TSPAN12: variants seen among roughly 807,000 people sequenced by gnomAD.
The protein encoded by TSPAN12 is tetraspanin 12.
Under a neutral mutation model 39.2 loss-of-function variants are expected in TSPAN12, and 19 were observed. The observed-to-expected ratio is 0.49, with a 90% confidence interval of 0.34 to 0.71. TSPAN12 has a LOEUF of 0.71. Among genes scored for constraint, TSPAN12 ranks in the 30% least tolerant of loss-of-function variants. The probability of loss-of-function intolerance (pLI) is 0.01; values close to 1 mark genes in which losing one functional copy is unlikely to be tolerated. For missense variants in TSPAN12, 314 were observed against 359.9 expected, an observed-to-expected ratio of 0.87 and a Z score of 1.03; for synonymous variants, 119 against 124.8, an observed-to-expected ratio of 0.95 and a Z score of 0.31.
At chr7:120,834,979 C>T (rs1418976548) in intron 4 of TSPAN12, among the ~76,000 whole-genome samples, 1 of 152,202 alleles carries the variant, frequency 6.6e-6, no homozygotes, top group Admixed American at 6.5e-5. Context: ...TAAAATCTCA[C>T]TCTCATCACT....
rs1794758534 is a variant in TSPAN12 at position 120,850,895 on chromosome 7, G to C, written c.66+5803C>G. 2.6e-5 allele frequency among the ~76,000 whole-genome samples: 4 copies of C among 151,960 alleles called. No homozygotes were observed. The South Asian group carries it at 8.3e-4, about 32-fold the overall frequency. On this transcript the variant is annotated intron_variant, in intron 2 of 7. Transcript: ENST00000222747. ...AGTAGAGACAGGGTTTCGCCATTTT[G>C]GTCAGCCTGGTCTCGAACTCCTGAC...
chr7:120,842,936 T>C (rs914905997), intron 2 of TSPAN12, among the ~76,000 whole-genome samples: 3 of 151,946 alleles, frequency 2.0e-5, no homozygotes, highest in South Asian at 2.1e-4. Context: ...TAAAAACCCT[T>C]TCTGAAATAA....
At chr7:120,853,242 C>T (rs142158505) in intron 2 of TSPAN12, among the ~76,000 whole-genome samples, 170 of 151,790 alleles carry the variant, frequency 1.1e-3, no homozygotes, top group Middle Eastern at 0.01. Flanking sequence ...TACAGGTGCA[C>T]GCCACGACAC....
intron 7 of TSPAN12, among the ~76,000 whole-genome samples, chr7:120,800,619 T>C (rs1039482123): frequency 1.3e-5 from 2 of 152,084 alleles, no homozygotes; most frequent in African/African-American, 4.8e-5. Flanking sequence ...TCCTTGACTA[T>C]AAATTCCCAC....
chr7:120,792,284 C>T (rs1793542624), intron 7 of TSPAN12, among the ~76,000 whole-genome samples: 1 of 152,136 alleles, frequency 6.6e-6, no homozygotes, highest in African/African-American at 2.4e-5. Flanking sequence ...CCTGGAAGAC[C>T]CCACTCAGGA....
chr7:120,799,283 T>C (rs1271224080), intron 7 of TSPAN12, among the ~76,000 whole-genome samples: 1 of 151,274 alleles, frequency 6.6e-6, no homozygotes, highest in African/African-American at 2.4e-5. Flanking sequence ...TAGGTGGAGC[T>C]TGCCAGAAGG....
In TSPAN12 at chr7:120,788,091, T is replaced by C. The variant is rs1316099427; in HGVS notation, c.*501A>G. 1.8e-5 allele frequency: 3 copies of C among 167,986 alleles called. No homozygotes were observed. Among genetic ancestry groups the C allele is most frequent in the African/African-American group, 7.2e-5 (3 of 41,538 alleles). The allele number at this position is 167,986 out of a possible 1,614,324, so 10.4% of individuals were successfully genotyped here. On this transcript the variant is annotated 3_prime_UTR_variant, in exon 8 of 8. Coordinates refer to ENST00000222747, the MANE Select transcript of TSPAN12 (RefSeq NM_012338.4). ...GTAACCAGCAAAAATCACATTTAGG[T>C]AGTCACCAATATTGAAAGTTTTCTG...
chr7:120,811,187 G>C (rs951966740), intron 5 of TSPAN12, among the ~76,000 whole-genome samples: 3 of 152,186 alleles, frequency 2.0e-5, no homozygotes, highest in African/African-American at 7.2e-5. Flanking sequence ...ACAGTGTGGA[G>C]ATTCCTTAAA....
At chr7:120,813,499 A>C (rs559801609) in intron 5 of TSPAN12, among the ~76,000 whole-genome samples, 3 of 152,238 alleles carry the variant, frequency 2.0e-5, no homozygotes, top group Non-Finnish European at 4.4e-5. Flanking sequence ...AATTACTTTA[A>C]AATCAAAACA....
intron 4 of TSPAN12, among the ~76,000 whole-genome samples, chr7:120,837,133 G>C (rs1432115577): frequency 6.6e-6 from 1 of 152,092 alleles, no homozygotes. Context: ...TCAAATTATA[G>C]AAGGTTCATG....
intron 2 of TSPAN12, among the ~76,000 whole-genome samples, chr7:120,849,880 T>C (rs1794738836): frequency 6.6e-6 from 1 of 152,216 alleles, no homozygotes; most frequent in Non-Finnish European, 1.5e-5. Flanking sequence ...GCCACCATAC[T>C]TAGCCTTTAA....
At chr7:120,842,817 T>A (rs1367769679) in intron 2 of TSPAN12, among the ~76,000 whole-genome samples, 1 of 151,968 alleles carries the variant, frequency 6.6e-6, no homozygotes, top group Non-Finnish European at 1.5e-5. Flanking sequence ...ATACATTTTG[T>A]TTTGTGGATT....
intron 6 of TSPAN12, 148 bp from the exon 7 acceptor site, chr7:120,806,840 A>T: frequency 9.8e-7 from 1 of 1,018,646 alleles, no homozygotes. Context: ...TGTTGATGAT[A>T]GAAATGTAGT....
intron 2 of TSPAN12, among the ~76,000 whole-genome samples, chr7:120,843,496 C>G (rs1412437326): frequency 2.6e-5 from 4 of 152,188 alleles, no homozygotes; most frequent in Admixed American, 6.5e-5. Flanking sequence ...CACACCTGCC[C>G]TAATCACCCC....
chr7:120,844,277 C>A (rs1794631977), intron 2 of TSPAN12, among the ~76,000 whole-genome samples: 1 of 152,076 alleles, frequency 6.6e-6, no homozygotes, highest in Non-Finnish European at 1.5e-5. Context: ...TAATCCAAAC[C>A]ATATCATTCA....
At chr7:120,818,900 G>T (rs370683724) in intron 4 of TSPAN12, among the ~76,000 whole-genome samples, 1 of 152,072 alleles carries the variant, frequency 6.6e-6, no homozygotes, top group Non-Finnish European at 1.5e-5. Flanking sequence ...AGTACTTCAA[G>T]CCAATTTTTA....
chr7:120,828,655 CTT>C (rs752697203), intron 4 of TSPAN12, among the ~76,000 whole-genome samples: 138 of 125,458 alleles, frequency 1.1e-3, no homozygotes, highest in African/African-American at 3.0e-3. Flanking sequence ...TTTCTTTCTC[CTT>C]TTTTTTTTTT....
intron 2 of TSPAN12, among the ~76,000 whole-genome samples, 188 bp from the exon 3 acceptor site, chr7:120,840,297 G>A (rs78074830): frequency 6.6e-6 from 1 of 152,238 alleles, no homozygotes; most frequent in East Asian, 1.9e-4. Flanking sequence ...GGCACCAAAT[G>A]GAATACCACC....
At chr7:120,792,745 G>A (rs555431918) in intron 7 of TSPAN12, among the ~76,000 whole-genome samples, 8 of 152,170 alleles carry the variant, frequency 5.3e-5, no homozygotes, top group African/African-American at 7.2e-5. Flanking sequence ...AAATGCCATC[G>A]AACCGACAAA....
Sources: gnomAD v4.1 joint callset for allele counts (sites outside exome capture counted in the v4.1 genomes callset) on GRCh38, gnomAD v4.1.1 for gene constraint, MANE v1.5 for transcripts, NCBI Gene and HGNC (gene_info 2026-07-23, HGNC 2026-07-21) for gene names.